The following HSPH1 variants were observed in gnomAD, a reference collection of about 807,000 sequenced individuals.
HSPH1 encodes heat shock protein family H (Hsp110) member 1, also known as heat shock protein 105 kDa.
A neutral mutation model predicts 100.0 loss-of-function variants in HSPH1; 40 were observed. That is an observed-to-expected ratio of 0.40 (90% CI 0.31 to 0.52). The LOEUF (loss-of-function observed/expected upper bound fraction) is 0.52, where lower values mean the gene tolerates loss of function less well. HSPH1 is among the 20% of genes least tolerant of loss of function. The probability of loss-of-function intolerance (pLI) is 0.54; values close to 1 mark genes in which losing one functional copy is unlikely to be tolerated. For synonymous variants in HSPH1, 403 were observed against 344.0 expected (o/e 1.17, Z -1.90); for missense variants, 876 against 1,015.1 (o/e 0.86, Z 1.86).
At position 31,150,191 on chromosome 13, in the gene HSPH1, AT is replaced by A. The variant is rs1451409052; in HGVS notation, c.909-10del. 3 of 1,548,694 alleles carry A rather than the reference AT, an allele frequency of 1.9e-6. No homozygotes were observed. The highest frequency in any genetic ancestry group is 2.6e-6 in the Non-Finnish European group (3 of 1,144,958). On this transcript the variant is annotated splice_polypyrimidine_tract_variant and intron_variant, in intron 7 of 17. Transcript: ENST00000320027. ...GTTCTTCAAATTGTGACCTTAGCAA[AT>A]AAAAACTTGTTTTTAGAAAAGTTAA...
rs1668115940 is a variant in HSPH1, at chr13:31,138,619, C to A, written c.2209-51G>T. 3 of 1,540,976 alleles carry A rather than the reference C, an allele frequency of 1.9e-6. No homozygotes were observed. In the South Asian group the frequency reaches 3.7e-5, roughly 19 times the overall value. On this transcript the variant is annotated intron_variant, in intron 16 of 17. Coordinates refer to ENST00000320027, the MANE Select transcript of HSPH1 (RefSeq NM_006644.4). ...TGTAGAATTTATTGAACAATAGTAT[C>A]TCATTTGACTCAACTTTCCAGGAAG...
At chr13:31,150,501 G>A (rs1956448358) in intron 7 of HSPH1, among the ~76,000 whole-genome samples, 1 of 152,106 alleles carries the variant, frequency 6.6e-6, no homozygotes, top group East Asian at 1.9e-4. Context: ...ATAGCTCACT[G>A]GAGCCTCAAA....
intron 13 of HSPH1, 171 bp from the exon 14 acceptor site, chr13:31,140,480 T>C: frequency 2.2e-6 from 1 of 449,462 alleles, no homozygotes; most frequent in Non-Finnish European, 3.8e-6. Context: ...GACATTTCCA[T>C]TTTCTAAATA....
chr13:31,141,285 A>G, intron 12 of HSPH1, 26 bp from the exon 13 acceptor site: 2 of 1,562,886 alleles, frequency 1.3e-6, no homozygotes, highest in South Asian at 1.2e-5. Flanking sequence ...AAAAAAAGGA[A>G]AAAATTTTAA....
chr13:31,146,439 T>C (rs1279303560), intron 10 of HSPH1, among the ~76,000 whole-genome samples: 1 of 152,148 alleles, frequency 6.6e-6, no homozygotes, highest in Non-Finnish European at 1.5e-5. Context: ...CTTCTCCAGA[T>C]GGGTGAGCAC....
At chr13:31,161,920 A>C (rs527963644), upstream of HSPH1, 10 of 1,516,508 alleles carry the variant, frequency 6.6e-6, no homozygotes, top group Admixed American at 4.1e-5. Flanking sequence ...GGGAGGTCCC[A>C]CTTCCTCAGC....
At chr13:31,157,864 A>G (rs1011014873) in intron 2 of HSPH1, among the ~76,000 whole-genome samples, 1 of 152,236 alleles carries the variant, frequency 6.6e-6, no homozygotes, top group Non-Finnish European at 1.5e-5. Flanking sequence ...ACTTAGGCCA[A>G]TATATTTTAG....
intron 2 of HSPH1, among the ~76,000 whole-genome samples, chr13:31,157,630 T>C (rs1302110537): frequency 6.6e-6 from 1 of 152,220 alleles, no homozygotes; most frequent in Non-Finnish European, 1.5e-5. Flanking sequence ...ATTTTCTTTC[T>C]TAGCAATCTA....
intron 9 of HSPH1, 127 bp downstream of exon 9, chr13:31,148,247 G>T: frequency 9.6e-7 from 1 of 1,039,232 alleles, no homozygotes; most frequent in Non-Finnish European, 1.4e-6. Flanking sequence ...AGATTTGGTT[G>T]TTCAAAGATT....
chr13:31,137,180 TTC>T lies in HSPH1; in HGVS notation c.*136_*137del, dbSNP rs1955909445. 2.2e-5 allele frequency: 16 copies of T among 734,824 alleles called. No individual in the cohort carries two copies. The South Asian group carries it at 2.5e-4, about 12-fold the overall frequency. 45.5% of individuals were successfully genotyped at this position (734,824 alleles called of 1,614,324 possible). A position where few individuals can be genotyped will look rare whatever the true frequency, so the allele number is the denominator to read the frequency against. On this transcript the variant is annotated 3_prime_UTR_variant, in exon 18 of 18. Transcript: ENST00000320027. The stretch of plus-strand genomic sequence containing the variant: ...TAAAGACTACAGACTTAAGCTTTTT[TTC>T]TTTTTCCATATAATACACAAAATTT...
intron 5 of HSPH1, 82 bp downstream of exon 5, chr13:31,152,770 G>T: frequency 3.2e-6 from 3 of 951,934 alleles, no homozygotes; most frequent in Non-Finnish European, 5.1e-6. Context: ...CTGTGTTTCT[G>T]TATCTATAAG....
chr13:31,157,374 T>C (rs1044247864), intron 2 of HSPH1, among the ~76,000 whole-genome samples: 13 of 152,332 alleles, frequency 8.5e-5, no homozygotes, highest in African/African-American at 3.1e-4. Context: ...TCACCCCTTT[T>C]AGTTATCTCT....
chr13:31,140,009 G>A (rs1241804139), intron 14 of HSPH1, among the ~76,000 whole-genome samples, 175 bp downstream of exon 14: 2 of 151,982 alleles, frequency 1.3e-5, no homozygotes, highest in African/African-American at 4.8e-5. Flanking sequence ...TTGGGGGTAG[G>A]CTAGTACAAA....
At chr13:31,138,142 G>C (rs532482415) in intron 17 of HSPH1, among the ~76,000 whole-genome samples, 6 of 152,078 alleles carry the variant, frequency 3.9e-5, no homozygotes, top group Non-Finnish European at 7.4e-5. Flanking sequence ...TTGCACACTT[G>C]TTTAATCCTG....
Position 31,155,548 on chromosome 13 carries a change from A to T in HSPH1, c.272T>A (p.Leu91Ter). Residue 91 changes from leucine to a stop codon, truncating the protein, a stop_gained, in exon 3 of 18, where the codon TTG becomes TAG. Coordinates refer to ENST00000320027, the MANE Select transcript of HSPH1 (RefSeq NM_006644.4). LOFTEE classifies it high-confidence loss of function. The part of the protein sequence containing the change: ...QKEKENLSYD[L>*]VPLKNGGVGI... ...AACTCCACCATTTTTCAATGGAACC[A>T]AATCGTAACTCAAGTTTTCCTTCTC... The T allele has an allele frequency of 6.2e-7, 1 of 1,612,180 alleles. No individual in the cohort carries two copies. The highest frequency in any genetic ancestry group is 2.2e-5 in the East Asian group (1 of 44,810).
At chr13:31,154,796 T>G in intron 3 of HSPH1, 41 bp from the exon 4 acceptor site, 1 of 1,559,074 alleles carries the variant, frequency 6.4e-7, no homozygotes, top group Non-Finnish European at 8.8e-7. Context: ...TTGTAGTACT[T>G]TAAGCTACAT....
At chr13:31,139,248 G>C (rs757409477) in intron 14 of HSPH1, 141 bp from the exon 15 acceptor site, 1 of 607,970 alleles carries the variant, frequency 1.6e-6, no homozygotes, top group African/African-American at 1.9e-5. Flanking sequence ...GTTACACAGA[G>C]ACCTTGAAAA....
At chr13:31,160,248 A>G (rs1221896869) in intron 1 of HSPH1, among the ~76,000 whole-genome samples, 1 of 152,164 alleles carries the variant, frequency 6.6e-6, no homozygotes, top group Admixed American at 6.5e-5. Flanking sequence ...TTTCTTACTA[A>G]ACTCCAATTA....
intron 1 of HSPH1, among the ~76,000 whole-genome samples, chr13:31,159,381 C>T (rs965165997): frequency 1.1e-4 from 17 of 152,174 alleles, no homozygotes; most frequent in African/African-American, 4.1e-4. Flanking sequence ...AAGAGGTTCC[C>T]ATCTGGGAGA....
Sources: allele counts gnomAD v4.1 joint callset (sites outside exome capture counted in the v4.1 genomes callset), GRCh38; gene constraint gnomAD v4.1.1; transcripts MANE v1.5; gene names NCBI Gene and HGNC (gene_info 2026-07-23, HGNC 2026-07-21).